IER3IP1: variants seen among roughly 807,000 people sequenced by gnomAD.
The protein encoded by IER3IP1 is immediate early response 3 interacting protein 1.
Under a neutral mutation model 12.2 loss-of-function variants are expected in IER3IP1, and 16 were observed. The ratio of observed to expected loss-of-function variants is 1.31; its 90% CI spans 0.89 to 1.99. IER3IP1 has a LOEUF of 1.99. Ranked by LOEUF, IER3IP1 falls within the 30% of genes most tolerant of loss-of-function variation. IER3IP1 has a pLI of 0.00. For synonymous variants in IER3IP1, 42 were observed against 40.0 expected, an observed-to-expected ratio of 1.05 and a Z score of -0.19; for missense variants, 95 against 95.8, an observed-to-expected ratio of 0.99 and a Z score of 0.03.
rs551870994 is a variant in IER3IP1 at position 47,155,744 on chromosome 18, T to C, written c.*433A>G. 6.5e-6 allele frequency: 1 copy of C among 153,596 alleles called. No individual in the cohort carries two copies. Among genetic ancestry groups the C allele is most frequent in the South Asian group, 2.1e-4 (1 of 4,866 alleles). 9.5% of individuals were successfully genotyped at this position (153,596 alleles called of 1,614,324 possible). A position where few individuals can be genotyped will look rare whatever the true frequency, so the allele number is the denominator to read the frequency against. ...TATCATTTTATGTGCAGTAATTACT[T>C]TTTAAAAATCCTTTTAATTTTATCT... On this transcript the variant is annotated 3_prime_UTR_variant, in exon 3 of 3. Coordinates refer to ENST00000256433, the MANE Select transcript of IER3IP1 (RefSeq NM_016097.5).
chr18:47,157,427 T>A lies in IER3IP1; in HGVS notation c.193+9A>T. 1 of 1,609,034 alleles carries A rather than the reference T, an allele frequency of 6.2e-7. No homozygotes were observed. The highest frequency in any genetic ancestry group is 8.5e-7 in the Non-Finnish European group (1 of 1,175,456). ...AACTTAAGAATGCTCTATTAGCTTT[T>A]CTTCTTACCTCTCATCACGGTTCTT... On this transcript the variant is annotated intron_variant, in intron 2 of 2. Coordinates refer to ENST00000256433, the MANE Select transcript of IER3IP1 (RefSeq NM_016097.5).
chr18:47,169,584 G>GTTTTTAACTT (rs1470173830), intron 1 of IER3IP1, among the ~76,000 whole-genome samples: 2 of 151,518 alleles, frequency 1.3e-5, no homozygotes, highest in Non-Finnish European at 2.9e-5. Flanking sequence ...ATTATTTAGT[G>GTTTTTAACTT]TTTTTAACTT....
intron 1 of IER3IP1, among the ~76,000 whole-genome samples, chr18:47,174,940 T>TC (rs1175828149): frequency 6.6e-6 from 1 of 152,218 alleles, no homozygotes; most frequent in Non-Finnish European, 1.5e-5. Context: ...CAAGAAGCTT[T>TC]CGCAGATACA....
In IER3IP1 at chr18:47,157,492, G is replaced by A. The variant is rs779559244; in HGVS notation, c.137C>T (p.Pro46Leu). ...GTTCATTAGCTGTGATTTAATTCCC[G>A]GCTCTTCTCCAAATCCACCAATTCC... ...DQGIGGFGEE[P>L]GIKSQLMNLI... The change falls in exon 2 of 3, where the codon CCG becomes CTG. Residue 46 changes from proline to leucine, a missense_variant. By Grantham distance (98) the Pro-to-Leu change is moderately conservative. Coordinates refer to ENST00000256433, the MANE Select transcript of IER3IP1 (RefSeq NM_016097.5). 16 of 1,613,796 alleles carry A rather than the reference G, an allele frequency of 9.9e-6. No homozygotes were observed. The highest frequency in any genetic ancestry group is 7.7e-5 in the South Asian group (7 of 91,072).
chr18:47,157,273 GAAAA>G (rs35638006), intron 2 of IER3IP1, 159 bp downstream of exon 2: 10 of 502,732 alleles, frequency 2.0e-5, no homozygotes, highest in Middle Eastern at 4.2e-4. Context: ...AGCAAACTAA[GAAAA>G]AAAAAAAAAA....
rs1415965316 is a variant in IER3IP1, at chr18:47,153,516, A to G, written c.*2661T>C. 2.6e-5 allele frequency: 4 copies of G among 152,082 alleles called. No homozygotes were observed. The highest frequency in any genetic ancestry group is 9.7e-5 in the African/African-American group (4 of 41,394). The allele number at this position is 152,082 out of a possible 1,614,324, so 9.4% of individuals were successfully genotyped here. On this transcript the variant is annotated 3_prime_UTR_variant, in exon 3 of 3. Coordinates refer to ENST00000256433, the MANE Select transcript of IER3IP1 (RefSeq NM_016097.5). ...TCGTTATCCAGGTGCTAAGCCTAGTACCCAGTAATTTTTCTGGCACTCTTT... is the reference window on the plus strand; with the variant it reads ...TCGTTATCCAGGTGCTAAGCCTAGTGCCCAGTAATTTTTCTGGCACTCTTT...
chr18:47,174,838 C>T (rs2064026719), intron 1 of IER3IP1, among the ~76,000 whole-genome samples: 1 of 152,152 alleles, frequency 6.6e-6, no homozygotes, highest in Non-Finnish European at 1.5e-5. Context: ...CTGCTTAAAG[C>T]TCTCCTCACC....
intron 1 of IER3IP1, among the ~76,000 whole-genome samples, chr18:47,163,811 C>T (rs1568072356): frequency 6.6e-6 from 1 of 152,084 alleles, no homozygotes; most frequent in Non-Finnish European, 1.5e-5. Flanking sequence ...TCTTCCTCCC[C>T]ACAACATGAA....
At position 47,155,441 on chromosome 18, in the gene IER3IP1, T is replaced by TA. The variant is rs1317418204; in HGVS notation, c.*735dup. 2 of 151,934 alleles carry TA rather than the reference T, an allele frequency of 1.3e-5. No homozygotes were observed. Among genetic ancestry groups the TA allele is most frequent in the Non-Finnish European group, 1.5e-5 (1 of 67,988 alleles). 9.4% of individuals were successfully genotyped at this position (151,934 alleles called of 1,614,324 possible). A position where few individuals can be genotyped will look rare whatever the true frequency, so the allele number is the denominator to read the frequency against. On this transcript the variant is annotated 3_prime_UTR_variant, in exon 3 of 3. Transcript: ENST00000256433. The stretch of plus-strand genomic sequence containing the variant: ...CTAATATTTACGCTGTTGTTTTTTT[T>TA]AAATCATCATTGTAAAAAGGGCAGA...
chr18:47,161,152 T>C (rs1218815378), intron 1 of IER3IP1, among the ~76,000 whole-genome samples: 2 of 152,232 alleles, frequency 1.3e-5, no homozygotes, highest in East Asian at 3.8e-4. Context: ...TAGATATACC[T>C]GAAAGACTCA....
At position 47,176,293 on chromosome 18, in the gene IER3IP1, C is replaced by T. The variant is rs1600005910; in HGVS notation, c.-16G>A. The T allele has an allele frequency of 5.0e-6, 8 of 1,592,318 alleles. No individual in the cohort carries two copies. Among genetic ancestry groups the T allele is most frequent in the Non-Finnish European group, 6.0e-6 (7 of 1,168,366 alleles). On this transcript the variant is annotated 5_prime_UTR_variant, in exon 1 of 3. Coordinates refer to ENST00000256433, the MANE Select transcript of IER3IP1 (RefSeq NM_016097.5). ...TAAAGGCCATGGCCGTCCGAGGCCG[C>T]CCCGAAGTCCAAGCGATTTCTCTCC...
At chr18:47,161,252 A>G (rs1340211432) in intron 1 of IER3IP1, among the ~76,000 whole-genome samples, 3 of 152,174 alleles carry the variant, frequency 2.0e-5, no homozygotes, top group Non-Finnish European at 2.9e-5. Flanking sequence ...TTTGTCACTG[A>G]GATATGCTGT....
In IER3IP1 at chr18:47,154,948, A is replaced by G. The variant is rs962710945; in HGVS notation, c.*1229T>C. 2 of 152,232 alleles carry G rather than the reference A, an allele frequency of 1.3e-5. No homozygotes were observed. Among genetic ancestry groups the G allele is most frequent in the Non-Finnish European group, 2.9e-5 (2 of 68,044 alleles). 9.4% of individuals were successfully genotyped at this position (152,232 alleles called of 1,614,324 possible). A position where few individuals can be genotyped will look rare whatever the true frequency, so the allele number is the denominator to read the frequency against. ...CATTAACTCTATACTCGGCAATTTT[A>G]CAGCAAAGAACATATAATAAGAGGT... On this transcript the variant is annotated 3_prime_UTR_variant, in exon 3 of 3. Transcript: ENST00000256433.
chr18:47,168,595 G>A (rs914418798), intron 1 of IER3IP1, among the ~76,000 whole-genome samples: 1 of 152,174 alleles, frequency 6.6e-6, no homozygotes, highest in African/African-American at 2.4e-5. Flanking sequence ...TAGGACCACA[G>A]TTCATTCTTT....
intron 1 of IER3IP1, among the ~76,000 whole-genome samples, chr18:47,169,836 T>C (rs2064009514): frequency 6.6e-6 from 1 of 152,158 alleles, no homozygotes; most frequent in Non-Finnish European, 1.5e-5. Flanking sequence ...GTTCTTTATA[T>C]ATTTTGGATA....
chr18:47,156,064 A>G lies in IER3IP1; in HGVS notation c.*113T>C. 5.5e-6 allele frequency: 4 copies of G among 723,216 alleles called. No homozygotes were observed. The highest frequency in any genetic ancestry group is 4.9e-5 in the South Asian group (3 of 61,488). 44.8% of individuals were successfully genotyped at this position (723,216 alleles called of 1,614,324 possible). A position where few individuals can be genotyped will look rare whatever the true frequency, so the allele number is the denominator to read the frequency against. ...ACCCTGGTTTTATTTTCAGCTTTAC[A>G]TTTTTGACAAGTGCAAGGTCAGCCA... On this transcript the variant is annotated 3_prime_UTR_variant, in exon 3 of 3. Transcript: ENST00000256433.
Position 47,155,859 on chromosome 18 carries a change from A to G in IER3IP1, c.*318T>C, listed in dbSNP as rs975750548. 3 of 197,360 alleles carry G rather than the reference A, an allele frequency of 1.5e-5. No homozygotes were observed. Among genetic ancestry groups the G allele is most frequent in the African/African-American group, 2.3e-5 (1 of 43,144 alleles). The allele number at this position is 197,360 out of a possible 1,614,324, so 12.2% of individuals were successfully genotyped here. A position where few individuals can be genotyped will look rare whatever the true frequency, so the allele number is the denominator to read the frequency against. On this transcript the variant is annotated 3_prime_UTR_variant, in exon 3 of 3. Transcript: ENST00000256433. The stretch of plus-strand genomic sequence containing the variant: ...TCCCTGAGAAGTGAGAGATAGAAAA[A>G]TATCTAAAAAAAGAGAAGCAACAGT...
At chr18:47,169,541 T>C (rs1210564573) in intron 1 of IER3IP1, among the ~76,000 whole-genome samples, 1 of 152,148 alleles carries the variant, frequency 6.6e-6, no homozygotes, top group Non-Finnish European at 1.5e-5. Context: ...ATACGACAAT[T>C]CCAATTTCTT....
In IER3IP1 at chr18:47,155,917, G is replaced by C. The variant is rs1418244615; in HGVS notation, c.*260C>G. 4 of 363,818 alleles carry C rather than the reference G, an allele frequency of 1.1e-5. No individual in the cohort carries two copies. The highest frequency in any genetic ancestry group is 9.5e-5 in the South Asian group (2 of 21,100). 22.5% of individuals were successfully genotyped at this position (363,818 alleles called of 1,614,324 possible). On this transcript the variant is annotated 3_prime_UTR_variant, in exon 3 of 3. Coordinates refer to ENST00000256433, the MANE Select transcript of IER3IP1 (RefSeq NM_016097.5). Reference sequence around the variant, plus strand: ...CCTTTTAACAATCTCACCACAGCATGAACTACTATTAACACTGAGCAATCA... The same window carrying C: ...CCTTTTAACAATCTCACCACAGCATCAACTACTATTAACACTGAGCAATCA...
Sources: allele counts gnomAD v4.1 joint callset (sites outside exome capture counted in the v4.1 genomes callset), GRCh38; gene constraint gnomAD v4.1.1; transcripts MANE v1.5; gene names NCBI Gene and HGNC (gene_info 2026-07-23, HGNC 2026-07-21).